The following FBXO34 variants were observed in gnomAD, a reference collection of about 807,000 sequenced individuals.
FBXO34 encodes the protein F-box only protein 34.
FBXO34 carries 12 observed loss-of-function variants against 24.5 expected under a neutral mutation model. That is an observed-to-expected ratio of 0.49 (90% confidence interval 0.31 to 0.79). FBXO34 has a LOEUF of 0.79. Among genes scored for constraint, FBXO34 ranks in the 30% least tolerant of loss-of-function variants. The probability of loss-of-function intolerance (pLI) is 0.04; values close to 1 mark genes in which losing one functional copy is unlikely to be tolerated. For missense variants in FBXO34, 823 were observed against 857.7 expected, an observed-to-expected ratio of 0.96 and a Z score of 0.51; for synonymous variants, 320 against 311.9, an observed-to-expected ratio of 1.03 and a Z score of -0.27.
chr14:55,336,277 G>A (rs1479709779), intron 1 of FBXO34, among the ~76,000 whole-genome samples: 1 of 151,956 alleles, frequency 6.6e-6, no homozygotes, highest in Non-Finnish European at 1.5e-5. Flanking sequence ...TTTATTTCCT[G>A]TTCAGTTTTC....
the FBXO34 span, chr14:55,391,318 A>G: frequency 1.1e-5 from 2 of 180,128 alleles, no homozygotes. Flanking sequence ...TACTAAAAAA[A>G]TACAAAAATT....
At chr14:55,371,183 G>A (rs1471670130), downstream of FBXO34, among the ~76,000 whole-genome samples, 2 of 152,214 alleles carry the variant, frequency 1.3e-5, no homozygotes, top group Non-Finnish European at 2.9e-5. Flanking sequence ...GGGAAAATAG[G>A]AGAGGTCGAA....
intron 1 of FBXO34, among the ~76,000 whole-genome samples, chr14:55,314,014 C>T (rs969594868): frequency 5.3e-5 from 8 of 152,118 alleles, no homozygotes; most frequent in African/African-American, 1.7e-4. Flanking sequence ...AGTGATCCTC[C>T]TAACTCAGCC....
At chr14:55,283,005 T>C (rs1291954345) in intron 1 of FBXO34, among the ~76,000 whole-genome samples, 1 of 152,206 alleles carries the variant, frequency 6.6e-6, no homozygotes, top group Non-Finnish European at 1.5e-5. Context: ...GATTATTCTC[T>C]GGAGGTTGTC....
chr14:55,299,580 C>A (rs1882275145), intron 1 of FBXO34, among the ~76,000 whole-genome samples: 1 of 152,126 alleles, frequency 6.6e-6, no homozygotes, highest in Admixed American at 6.5e-5. Context: ...CCCCCATAAC[C>A]ACAGTGCCAT....
At chr14:55,332,934 C>T (rs891547386) in intron 1 of FBXO34, among the ~76,000 whole-genome samples, 2 of 152,136 alleles carry the variant, frequency 1.3e-5, no homozygotes, top group East Asian at 3.9e-4. Context: ...GCGCATTAGC[C>T]CCAAGATGCA....
chr14:55,296,079 T>G (rs765815839), intron 1 of FBXO34, among the ~76,000 whole-genome samples: 1 of 152,144 alleles, frequency 6.6e-6, no homozygotes, highest in African/African-American at 2.4e-5. Flanking sequence ...TTTTCATGCC[T>G]GTAGTTGAAG....
chr14:55,282,508 C>G, intron 1 of FBXO34: 1 of 236,360 alleles, frequency 4.2e-6, no homozygotes, highest in Non-Finnish European at 8.9e-6. Context: ...TGGGCACATG[C>G]CACATGCCAA....
chr14:55,375,487 T>A, the FBXO34 span, among the ~76,000 whole-genome samples: 1 of 96,620 alleles, frequency 1.0e-5, no homozygotes, highest in South Asian at 3.4e-4. Flanking sequence ...CACGCCGGGC[T>A]AAATTTTTTT....
At chr14:55,413,057 C>A in the FBXO34 span, among the ~76,000 whole-genome samples, 1 of 152,214 alleles carries the variant, frequency 6.6e-6, no homozygotes, top group Non-Finnish European at 1.5e-5. Flanking sequence ...AAATACAAAT[C>A]ACGTAGGATT....
chr14:55,386,010 G>C, the FBXO34 span: 1 of 1,614,130 alleles, frequency 6.2e-7, no homozygotes. Flanking sequence ...TTATGCCTCT[G>C]AATCTTCTCC....
At chr14:55,338,048 CTTTT>C (rs58194693) in intron 1 of FBXO34, among the ~76,000 whole-genome samples, 1,563 of 88,266 alleles carry the variant, frequency 0.018, 88 homozygotes, top group African/African-American at 0.071. Flanking sequence ...GTATGTACTT[CTTTT>C]TTTTTTTTTT....
the FBXO34 span, chr14:55,411,578 A>G: frequency 1.3e-6 from 2 of 1,587,966 alleles, no homozygotes; most frequent in Non-Finnish European, 1.7e-6. Context: ...AGAAGAAACA[A>G]TAGGGCCGTG....
chr14:55,311,992 GCGTT>G (rs1443072926), intron 1 of FBXO34, among the ~76,000 whole-genome samples: 2 of 152,138 alleles, frequency 1.3e-5, no homozygotes, highest in Non-Finnish European at 2.9e-5. Context: ...ACGAGGTAAG[GCGTT>G]CGAGACCAGC....
chr14:55,429,824 C>CA, the FBXO34 span, among the ~76,000 whole-genome samples: 400 of 129,714 alleles, frequency 3.1e-3, 2 homozygotes, highest in African/African-American at 9.9e-3. Flanking sequence ...CACATGCATA[C>CA]AAAAAAAAAT....
At chr14:55,288,772 C>T (rs947758857) in intron 1 of FBXO34, among the ~76,000 whole-genome samples, 1 of 152,136 alleles carries the variant, frequency 6.6e-6, no homozygotes, top group African/African-American at 2.4e-5. Flanking sequence ...TATATAGGGC[C>T]GGGCATGGTG....
At chr14:55,310,035 G>A (rs965857924) in intron 1 of FBXO34, among the ~76,000 whole-genome samples, 2 of 126,022 alleles carry the variant, frequency 1.6e-5, no homozygotes, top group Non-Finnish European at 3.6e-5. Flanking sequence ...CCCTGAAATA[G>A]TTTGGAAAAC....
At chr14:55,365,220 C>A (rs148645122), downstream of FBXO34, among the ~76,000 whole-genome samples, 989 of 133,298 alleles carry the variant, frequency 7.4e-3, 15 homozygotes, top group East Asian at 0.06. Flanking sequence ...TCTCTTCTAT[C>A]ATCTCAAAAA....
At chr14:55,317,919 C>T (rs979102609) in intron 1 of FBXO34, among the ~76,000 whole-genome samples, 4 of 152,122 alleles carry the variant, frequency 2.6e-5, no homozygotes, top group Non-Finnish European at 5.9e-5. Context: ...ATTTGCCTGC[C>T]TGCCTAAGAG....
Sources: gnomAD v4.1 joint callset for allele counts (sites outside exome capture counted in the v4.1 genomes callset) on GRCh38, gnomAD v4.1.1 for gene constraint, MANE v1.5 for transcripts, NCBI Gene and HGNC (gene_info 2026-07-23, HGNC 2026-07-21) for gene names.